The following AHI1 variants were observed in gnomAD, a reference collection of about 807,000 sequenced individuals.
The protein encoded by AHI1 is jouberin.
In AHI1, 123 loss-of-function variants were observed where a neutral mutation model predicts 149.3. The observed-to-expected ratio is 0.82, with a 90% confidence interval of 0.71 to 0.96. The LOEUF is 0.96. AHI1 is among the 40% of genes least tolerant of loss of function. The pLI, the probability that AHI1 is intolerant of heterozygous loss-of-function variation, is 0.00. For missense variants in AHI1, 1,439 were observed against 1,422.7 expected (o/e 1.01, Z -0.18); for synonymous variants, 475 against 459.8 (o/e 1.03, Z -0.42).
chr6:135,359,803 G>C (rs79786606), intron 23 of AHI1, among the ~76,000 whole-genome samples: 3,784 of 151,830 alleles, frequency 0.025, 69 homozygotes, highest in Non-Finnish European at 0.035. Context: ...TAAACAGAAA[G>C]TAATTTTAAT....
intron 5 of AHI1, among the ~76,000 whole-genome samples, chr6:135,476,126 T>C (rs776556921): frequency 5.3e-5 from 8 of 152,204 alleles, no homozygotes; most frequent in Non-Finnish European, 8.8e-5. Context: ...TTCAGCAGCA[T>C]TCCATAAATT....
chr6:135,334,221 A>C (rs1438634172), intron 24 of AHI1, among the ~76,000 whole-genome samples: 4 of 152,200 alleles, frequency 2.6e-5, no homozygotes, highest in African/African-American at 9.7e-5. Flanking sequence ...TGCCCCTCAA[A>C]TTCATATGTT....
chr6:135,383,650 G>T (rs539283736), intron 23 of AHI1, among the ~76,000 whole-genome samples: 1 of 152,096 alleles, frequency 6.6e-6, no homozygotes, highest in South Asian at 2.1e-4. Context: ...GAAAAAAAAA[G>T]TTATAGAAAA....
At chr6:135,480,467 AAAG>A (rs1793442482) in intron 5 of AHI1, among the ~76,000 whole-genome samples, 1 of 152,072 alleles carries the variant, frequency 6.6e-6, no homozygotes, top group South Asian at 2.1e-4. Context: ...TAAAAAAAAA[AAAG>A]AAGAAAGAAA....
At chr6:135,396,144 C>G (rs1779180175) in intron 22 of AHI1, among the ~76,000 whole-genome samples, 1 of 151,662 alleles carries the variant, frequency 6.6e-6, no homozygotes, top group South Asian at 2.1e-4. Context: ...AGTAACTAAA[C>G]TATTATGTCA....
At chr6:135,297,705 A>G (rs1783308030) in intron 27 of AHI1, among the ~76,000 whole-genome samples, 1 of 152,216 alleles carries the variant, frequency 6.6e-6, no homozygotes, top group Non-Finnish European at 1.5e-5. Context: ...AGGATTAAAA[A>G]AAGGCAGAAA....
In AHI1 at chr6:135,410,528, T is replaced by C. The variant is rs573441738; in HGVS notation, c.2961+820A>G. On this transcript the variant is annotated intron_variant, in intron 21 of 28. Coordinates refer to ENST00000265602, the MANE Select transcript of AHI1 (RefSeq NM_001134831.2). Reference sequence around the variant, plus strand: ...GACCCCAGAGCTACACTCTAAACCATAGTTTTCACCTATCTCTTTTTTTCT... The same window carrying C: ...GACCCCAGAGCTACACTCTAAACCACAGTTTTCACCTATCTCTTTTTTTCT... 6.6e-5 allele frequency among the ~76,000 whole-genome samples: 10 copies of C among 152,366 alleles called. No homozygotes were observed. The South Asian group carries it at 1.4e-3, about 22-fold the overall frequency.
intron 7 of AHI1, 71 bp from the exon 8 acceptor site, chr6:135,463,377 G>A (rs1166057934): frequency 7.9e-7 from 1 of 1,266,196 alleles, no homozygotes; most frequent in Non-Finnish European, 1.1e-6. Flanking sequence ...TGATGCAACA[G>A]AGTGAACAGT....
Position 135,439,685 on chromosome 6 carries a change from A to G in AHI1, c.1913-1187T>C, listed in dbSNP as rs142073607. ...GTTTTGCTGTCACACCTCAAACGAC[A>G]AAAGTAATGGCCTTTAGTGCATGGT... On this transcript the variant is annotated intron_variant, in intron 14 of 28. Coordinates refer to ENST00000265602, the MANE Select transcript of AHI1 (RefSeq NM_001134831.2). Among the ~76,000 whole-genome samples the G allele has an allele frequency of 4.6e-5, 7 of 152,326 alleles. No individual in the cohort carries two copies. The East Asian group carries it at 7.7e-4, about 17-fold the overall frequency.
At chr6:135,377,677 C>G (rs2128464061) in intron 23 of AHI1, among the ~76,000 whole-genome samples, 1 of 152,064 alleles carries the variant, frequency 6.6e-6, no homozygotes, top group South Asian at 2.1e-4. Context: ...AACGGGGTCT[C>G]ACTATGTTGC....
chr6:135,308,335 A>G (rs1240345580), intron 26 of AHI1, among the ~76,000 whole-genome samples: 1 of 152,170 alleles, frequency 6.6e-6, no homozygotes, highest in East Asian at 1.9e-4. Context: ...TCTCAGGCTG[A>G]AGCGATCCTC....
intron 25 of AHI1, among the ~76,000 whole-genome samples, chr6:135,319,840 G>C (rs1480615718): frequency 6.6e-6 from 1 of 152,182 alleles, no homozygotes; most frequent in Non-Finnish European, 1.5e-5. Flanking sequence ...GGGGGAAGCT[G>C]ATCATGTTGT....
At chr6:135,409,570 A>G (rs955201750) in intron 21 of AHI1, among the ~76,000 whole-genome samples, 3 of 152,142 alleles carry the variant, frequency 2.0e-5, no homozygotes. Flanking sequence ...TCCTTTCCCC[A>G]CTGATTTATC....
chr6:135,427,171 G>A lies in AHI1; in HGVS notation c.2760C>T (p.Phe920=), dbSNP rs765789955. 1 of 1,609,200 alleles carries A rather than the reference G, an allele frequency of 6.2e-7. No homozygotes were observed. Among genetic ancestry groups the A allele is most frequent in the South Asian group, 1.1e-5 (1 of 90,678 alleles). Residue 920 remains phenylalanine (F), a synonymous_variant, in exon 20 of 29, where the codon TTC becomes TTT. Coordinates refer to ENST00000265602, the MANE Select transcript of AHI1 (RefSeq NM_001134831.2). ...NEPILLYIYD[F]HVAQQEAEMF... ...CTTATCAAGTGGTAGACTTACCATG[G>A]AAATCGTAAATATACAGAAGAATTG...
chr6:135,351,612 A>G (rs1352079918), intron 24 of AHI1, among the ~76,000 whole-genome samples: 1 of 152,232 alleles, frequency 6.6e-6, no homozygotes, highest in Non-Finnish European at 1.5e-5. Context: ...GGAACTGCAA[A>G]TAGCTCAGAG....
chr6:135,334,961 G>C (rs1175151013), intron 24 of AHI1, among the ~76,000 whole-genome samples: 1 of 152,174 alleles, frequency 6.6e-6, no homozygotes, highest in African/African-American at 2.4e-5. Flanking sequence ...CAGCAATTCT[G>C]ATGTACCTAA....
intron 23 of AHI1, among the ~76,000 whole-genome samples, chr6:135,386,807 T>C (rs1027729950): frequency 3.9e-5 from 6 of 151,950 alleles, no homozygotes; most frequent in African/African-American, 1.5e-4. Flanking sequence ...ATTTTTGTAA[T>C]TTTAGTAGAG....
chr6:135,432,093 T>C (rs1011322508), intron 16 of AHI1, among the ~76,000 whole-genome samples: 1 of 151,780 alleles, frequency 6.6e-6, no homozygotes, highest in Admixed American at 6.6e-5. Flanking sequence ...ACTGCTATTA[T>C]GACAGAGTTA....
Position 135,431,215 on chromosome 6 carries a change from A to G in AHI1, c.2366T>C (p.Ile789Thr), listed in dbSNP as rs1041781428. The G allele has an allele frequency of 1.3e-6, 2 of 1,579,248 alleles. No individual in the cohort carries two copies. The highest frequency in any genetic ancestry group is 2.7e-5 in the African/African-American group (2 of 74,036). Reference protein sequence around the residue: ...DLEHSVHHWTINKEIKETEFK... With the variant: ...DLEHSVHHWTTNKEIKETEFK... ...TAAAATATGATTTTATACCTTATTT[A>G]TAGTCCAGTGGTGCACTGAATGTTC... Residue 789 changes from isoleucine to threonine, a missense_variant, in exon 17 of 29, where the codon ATA (isoleucine) becomes ACA (threonine). Physicochemically the swap from Ile to Thr is moderately conservative, Grantham distance 89. Coordinates refer to ENST00000265602, the MANE Select transcript of AHI1 (RefSeq NM_001134831.2).
Sources: allele counts gnomAD v4.1 joint callset (sites outside exome capture counted in the v4.1 genomes callset), GRCh38; gene constraint gnomAD v4.1.1; transcripts MANE v1.5; gene names NCBI Gene and HGNC (gene_info 2026-07-23, HGNC 2026-07-21).